RBMS1: variants seen among roughly 807,000 people sequenced by gnomAD.
RBMS1 encodes the protein RNA binding motif single stranded interacting protein 1.
RBMS1 carries 17 observed loss-of-function variants against 62.3 expected under a neutral mutation model. That is an observed-to-expected ratio of 0.27 (90% CI 0.19 to 0.41). The LOEUF (loss-of-function observed/expected upper bound fraction) is 0.41. RBMS1 is among the 10% of genes least tolerant of loss of function. The pLI, the probability that RBMS1 is intolerant of heterozygous loss-of-function variation, is 1.00. For missense variants in RBMS1, 334 were observed against 504.5 expected (o/e 0.66, Z 3.24); for synonymous variants, 172 against 170.0 (o/e 1.01, Z -0.09).
chr2:160,389,208 A>C (rs564612579), intron 1 of RBMS1, among the ~76,000 whole-genome samples: 7 of 152,330 alleles, frequency 4.6e-5, no homozygotes, highest in African/African-American at 1.7e-4. Flanking sequence ...ATTTGATATG[A>C]GCAAATCCAT....
At chr2:160,415,399 A>C (rs1696174760) in intron 1 of RBMS1, among the ~76,000 whole-genome samples, 1 of 152,086 alleles carries the variant, frequency 6.6e-6, no homozygotes, top group Non-Finnish European at 1.5e-5. Context: ...TGAGGTGAGG[A>C]AGGAAGGAAT....
At chr2:160,373,289 T>C (rs1350622888) in intron 1 of RBMS1, among the ~76,000 whole-genome samples, 7 of 152,230 alleles carry the variant, frequency 4.6e-5, no homozygotes, top group Admixed American at 2.0e-4. Context: ...AATCTCCACA[T>C]AGAAATCTCT....
intron 1 of RBMS1, among the ~76,000 whole-genome samples, chr2:160,382,858 TA>T (rs1011677091): frequency 6.6e-6 from 1 of 151,738 alleles, no homozygotes. Flanking sequence ...TTTTTTTTTT[TA>T]AAAAGCTACT....
intron 1 of RBMS1, among the ~76,000 whole-genome samples, chr2:160,445,402 T>C (rs745977990): frequency 1.1e-4 from 16 of 152,220 alleles, no homozygotes; most frequent in Non-Finnish European, 2.1e-4. Flanking sequence ...CCTTAAATGA[T>C]TGCTGTTACA....
rs78556294 is a variant in RBMS1, at chr2:160,291,606, G to A, written c.641-4522C>T. Reference sequence around the variant, plus strand: ...TTTCTCTGTGGACGTTCTTCCTCCCGAGGCTGTTTAGGTTTCTCCTCCTCC... The same window carrying A: ...TTTCTCTGTGGACGTTCTTCCTCCCAAGGCTGTTTAGGTTTCTCCTCCTCC... On this transcript the variant is annotated intron_variant, in intron 6 of 13. Coordinates refer to ENST00000348849, the MANE Select transcript of RBMS1 (RefSeq NM_016836.4). 1.1e-4 allele frequency among the ~76,000 whole-genome samples: 17 copies of A among 152,038 alleles called. 1 individual carries two copies. In the South Asian group the frequency reaches 2.7e-3, roughly 24 times the overall value.
At chr2:160,352,569 G>C (rs565277972) in intron 2 of RBMS1, among the ~76,000 whole-genome samples, 1 of 152,230 alleles carries the variant, frequency 6.6e-6, no homozygotes, top group South Asian at 2.1e-4. Flanking sequence ...TTCAAGTGCT[G>C]ACACTAGACA....
At chr2:160,311,238 A>ATATATATATATATATC (rs1553505450) in intron 4 of RBMS1, among the ~76,000 whole-genome samples, 1 of 119,248 alleles carries the variant, frequency 8.4e-6, no homozygotes, top group Non-Finnish European at 1.8e-5. Flanking sequence ...CTATCTATAT[A>ATATATATATATATATC]TATATATATA....
At chr2:160,429,544 A>G (rs1335987008) in intron 1 of RBMS1, among the ~76,000 whole-genome samples, 1 of 152,234 alleles carries the variant, frequency 6.6e-6, no homozygotes, top group Non-Finnish European at 1.5e-5. Flanking sequence ...AAATTAAACA[A>G]TAAGACTAAA....
chr2:160,285,090 G>T, intron 7 of RBMS1, 46 bp from the exon 8 acceptor site: 6 of 1,573,354 alleles, frequency 3.8e-6, no homozygotes, highest in Non-Finnish European at 5.2e-6. Flanking sequence ...AGAAAGGCAT[G>T]ATTTAAAAAT....
At chr2:160,406,472 T>G (rs1695714606) in intron 1 of RBMS1, among the ~76,000 whole-genome samples, 1 of 152,244 alleles carries the variant, frequency 6.6e-6, no homozygotes, top group South Asian at 2.1e-4. Context: ...GGATAATAAC[T>G]TAATTGATTT....
At chr2:160,428,130 A>G (rs897412598) in intron 1 of RBMS1, among the ~76,000 whole-genome samples, 1 of 152,038 alleles carries the variant, frequency 6.6e-6, no homozygotes, top group Non-Finnish European at 1.5e-5. Context: ...TGTTTATAAC[A>G]AATACAGTGG....
chr2:160,478,311 C>A (rs1487649218), intron 1 of RBMS1, among the ~76,000 whole-genome samples: 1 of 152,176 alleles, frequency 6.6e-6, no homozygotes, highest in Non-Finnish European at 1.5e-5. Context: ...CGGTGAAGGA[C>A]GCTTAAAACA....
chr2:160,485,222 G>GAAGCTCCAGCAC (rs1172244106), intron 1 of RBMS1, among the ~76,000 whole-genome samples: 4 of 152,290 alleles, frequency 2.6e-5, no homozygotes, highest in Admixed American at 2.6e-4. Context: ...ACCCCCAGAG[G>GAAGCTCCAGCAC]AAGCTCCAGC....
intron 3 of RBMS1, among the ~76,000 whole-genome samples, chr2:160,316,290 C>G (rs533987492): frequency 6.6e-6 from 1 of 152,154 alleles, no homozygotes; most frequent in African/African-American, 2.4e-5. Context: ...CCGTCTCAAC[C>G]CACCAGATAT....
intron 1 of RBMS1, among the ~76,000 whole-genome samples, chr2:160,439,320 G>A (rs965366991): frequency 4.0e-5 from 6 of 148,410 alleles, no homozygotes; most frequent in Non-Finnish European, 8.9e-5. Flanking sequence ...CGGGCGGAAG[G>A]GCTCCTCACT....
chr2:160,359,120 A>C (rs76155626), intron 2 of RBMS1, among the ~76,000 whole-genome samples: 1 of 152,312 alleles, frequency 6.6e-6, no homozygotes. Context: ...ACCAGCAGTA[A>C]GACAGTTCTT....
chr2:160,455,055 A>G (rs144584400), intron 1 of RBMS1, among the ~76,000 whole-genome samples: 5 of 152,328 alleles, frequency 3.3e-5, no homozygotes, highest in African/African-American at 1.2e-4. Flanking sequence ...CAAAGTTACA[A>G]TGCAGATCCT....
At chr2:160,447,575 C>G (rs1280937225) in intron 1 of RBMS1, among the ~76,000 whole-genome samples, 1 of 152,162 alleles carries the variant, frequency 6.6e-6, no homozygotes, top group Non-Finnish European at 1.5e-5. Context: ...TGCATATTTA[C>G]TTGTTTCTTT....
At chr2:160,381,686 G>A (rs182577223) in intron 1 of RBMS1, among the ~76,000 whole-genome samples, 348 of 152,288 alleles carry the variant, frequency 2.3e-3, no homozygotes, top group African/African-American at 8.0e-3. Context: ...GTTTGATAGA[G>A]AACTACTCTA....
Sources: gnomAD v4.1 joint callset for allele counts (sites outside exome capture counted in the v4.1 genomes callset) on GRCh38, gnomAD v4.1.1 for gene constraint, MANE v1.5 for transcripts, NCBI Gene and HGNC (gene_info 2026-07-23, HGNC 2026-07-21) for gene names.